FBXL13: variants seen among roughly 807,000 people sequenced by gnomAD.
FBXL13 encodes F-box and leucine rich repeat protein 13.
Under a neutral mutation model 83.6 loss-of-function variants are expected in FBXL13, and 67 were observed. That is an observed-to-expected ratio of 0.80 (90% CI 0.66 to 0.98). The LOEUF (loss-of-function observed/expected upper bound fraction) is 0.98, where lower values mean the gene tolerates loss of function less well. FBXL13 is among the 50% of genes least tolerant of loss of function. The pLI, the probability that FBXL13 is intolerant of heterozygous loss-of-function variation, is 0.00. For synonymous variants in FBXL13, 272 were observed against 299.5 expected (o/e 0.91, Z 0.95); for missense variants, 822 against 866.5 (o/e 0.95, Z 0.64).
intron 17 of FBXL13, among the ~76,000 whole-genome samples, chr7:102,844,269 G>A (rs1427958565): frequency 6.6e-6 from 1 of 152,124 alleles, no homozygotes; most frequent in Non-Finnish European, 1.5e-5. Flanking sequence ...GTTTGGGTTT[G>A]GAGAACAATG....
intron 16 of FBXL13, among the ~76,000 whole-genome samples, chr7:102,875,698 G>A (rs1029553595): frequency 3.9e-5 from 6 of 152,150 alleles, no homozygotes; most frequent in Non-Finnish European, 7.3e-5. Context: ...CTACATAGGT[G>A]GTAGAGAAAC....
intron 6 of FBXL13, among the ~76,000 whole-genome samples, chr7:103,020,315 G>A (rs1792986590): frequency 6.6e-6 from 1 of 152,100 alleles, no homozygotes; most frequent in African/African-American, 2.4e-5. Flanking sequence ...GTTATTGATG[G>A]GACGTACCTA....
intron 17 of FBXL13, among the ~76,000 whole-genome samples, chr7:102,850,728 G>A (rs1185383027): frequency 6.6e-6 from 1 of 152,052 alleles, no homozygotes; most frequent in Non-Finnish European, 1.5e-5. Flanking sequence ...TTCCAATATG[G>A]AAGTTTCTAG....
intron 15 of FBXL13, 86 bp downstream of exon 16, chr7:102,878,245 G>A: frequency 8.3e-7 from 1 of 1,202,714 alleles, no homozygotes; most frequent in Non-Finnish European, 1.1e-6. Flanking sequence ...CAAATGTCAT[G>A]AAATCTTTGC....
chr7:102,964,592 G>A (rs941907608), intron 7 of FBXL13, among the ~76,000 whole-genome samples: 4 of 151,438 alleles, frequency 2.6e-5, no homozygotes, highest in Non-Finnish European at 2.9e-5. Flanking sequence ...TAGTAGAGAC[G>A]AGGTTTCACC....
intron 11 of FBXL13, among the ~76,000 whole-genome samples, chr7:102,909,665 T>C (rs977367800): frequency 1.3e-5 from 2 of 151,894 alleles, no homozygotes; most frequent in Admixed American, 1.3e-4. Flanking sequence ...TGGCCCAGAG[T>C]GTGTCTAGAA....
At chr7:103,028,880 T>C (rs962409232) in intron 3 of FBXL13, 132 bp from the exon 5 acceptor site, 10 of 664,174 alleles carry the variant, frequency 1.5e-5, no homozygotes, top group African/African-American at 3.8e-5. Context: ...AAGAAACTTC[T>C]ACAACTTGGG....
chr7:102,938,110 ATG>A (rs149440776), intron 8 of FBXL13, among the ~76,000 whole-genome samples: 109 of 152,368 alleles, frequency 7.2e-4, no homozygotes, highest in African/African-American at 2.5e-3. Flanking sequence ...AAGGGAATAA[ATG>A]TGAGACTAAT....
chr7:103,039,323 GA>G (rs1429862304), intron 2 of FBXL13, among the ~76,000 whole-genome samples: 1 of 152,222 alleles, frequency 6.6e-6, no homozygotes, highest in African/African-American at 2.4e-5. Flanking sequence ...GGGACTAGGT[GA>G]AAAGACCAAA....
In FBXL13 at chr7:103,027,060, G is replaced by A. The variant is rs112633928; in HGVS notation, c.327+389C>T. Among the ~76,000 whole-genome samples, 3 of 152,198 alleles carry A rather than the reference G, an allele frequency of 2.0e-5. No individual in the cohort carries two copies. In the East Asian group the frequency reaches 5.8e-4, roughly 29 times the overall value. On this transcript the variant is annotated intron_variant, in intron 5 of 19. Transcript: ENST00000313221. ...TGTAATCCCAGCACTTTAGGAGGCC[G>A]AGGCGGGCAGATCACCTGAGGTCAC... is the stretch of plus-strand genomic sequence containing the variant.
At chr7:103,054,974 C>T in intron 2 of FBXL13, 114 bp downstream of exon 3, 1 of 506,722 alleles carries the variant, frequency 2.0e-6, no homozygotes, top group Admixed American at 3.7e-5. Context: ...TTCTCGGTGC[C>T]CCCAACAACA....
chr7:103,067,670 C>T (rs1798531273), intron 1 of FBXL13, among the ~76,000 whole-genome samples: 3 of 152,204 alleles, frequency 2.0e-5, no homozygotes, highest in African/African-American at 7.2e-5. Context: ...AACTGCCAGG[C>T]ATGTAGGTAA....
chr7:102,844,795 A>C (rs1428602146), intron 17 of FBXL13, among the ~76,000 whole-genome samples: 1 of 152,222 alleles, frequency 6.6e-6, no homozygotes, highest in African/African-American at 2.4e-5. Flanking sequence ...CGCAAGTCCC[A>C]GGTTGTCACT....
intron 6 of FBXL13, among the ~76,000 whole-genome samples, chr7:102,996,736 C>T (rs1027150266): frequency 1.4e-4 from 21 of 152,240 alleles, no homozygotes; most frequent in African/African-American, 5.1e-4. Context: ...TGCTTTTTCC[C>T]CTCTCTGGCC....
At chr7:103,064,259 C>T (rs1055501524) in intron 1 of FBXL13, among the ~76,000 whole-genome samples, 3 of 152,178 alleles carry the variant, frequency 2.0e-5, no homozygotes, top group Admixed American at 1.3e-4. Context: ...AACATTATGG[C>T]CAGGGAAACT....
intron 16 of FBXL13, among the ~76,000 whole-genome samples, chr7:102,856,621 G>A: frequency 6.6e-6 from 1 of 152,090 alleles, no homozygotes; most frequent in East Asian, 1.9e-4. Flanking sequence ...CACTGTAATT[G>A]TTCATTAAAA....
chr7:102,860,116 G>A (rs1180160716), intron 16 of FBXL13, among the ~76,000 whole-genome samples: 2 of 152,130 alleles, frequency 1.3e-5, no homozygotes, highest in African/African-American at 4.8e-5. Flanking sequence ...CAAGAACCTC[G>A]TACATTATTC....
chr7:103,013,505 G>C (rs1791888227), intron 6 of FBXL13, among the ~76,000 whole-genome samples: 1 of 152,130 alleles, frequency 6.6e-6, no homozygotes, highest in Non-Finnish European at 1.5e-5. Context: ...CAATTACATG[G>C]AAATTAAACA....
chr7:102,926,656 T>C (rs1049548109), intron 9 of FBXL13, among the ~76,000 whole-genome samples: 12 of 152,210 alleles, frequency 7.9e-5, no homozygotes, highest in African/African-American at 2.9e-4. Flanking sequence ...AGTTCAACTC[T>C]GTCACACGAA....
Sources: gnomAD v4.1 joint callset for allele counts (sites outside exome capture counted in the v4.1 genomes callset) on GRCh38, gnomAD v4.1.1 for gene constraint, MANE v1.5 for transcripts, NCBI Gene and HGNC (gene_info 2026-07-23, HGNC 2026-07-21) for gene names.